Variants in FIG4 observed in about 807,000 individuals in gnomAD.
The protein encoded by FIG4 is FIG4 phosphoinositide 5-phosphatase.
Under a neutral mutation model 118.6 loss-of-function variants are expected in FIG4, and 112 were observed. The observed-to-expected ratio is 0.94, with a 90% CI of 0.81 to 1.11. The LOEUF is 1.11. Among genes scored for constraint, FIG4 ranks in the 50% least tolerant of loss-of-function variants. The pLI is 0.00. For synonymous variants in FIG4, 369 were observed against 381.2 expected, an observed-to-expected ratio of 0.97 and a Z score of 0.37; for missense variants, 969 against 1,111.7, an observed-to-expected ratio of 0.87 and a Z score of 1.83.
At chr6:109,719,673 C>G (rs1395809459) in intron 3 of FIG4, among the ~76,000 whole-genome samples, 2 of 152,164 alleles carry the variant, frequency 1.3e-5, no homozygotes, top group African/African-American at 2.4e-5. Context: ...GGATTACAGG[C>G]ATAAGCCACC....
At chr6:109,727,346 T>A in intron 4 of FIG4, 81 bp downstream of exon 4, 1 of 1,151,842 alleles carries the variant, frequency 8.7e-7, no homozygotes, top group South Asian at 1.2e-5. Flanking sequence ...TGGAATATAA[T>A]GGCATGGTCA....
At chr6:109,696,372 AC>A (rs1774719894) in intron 1 of FIG4, among the ~76,000 whole-genome samples, 1 of 152,200 alleles carries the variant, frequency 6.6e-6, no homozygotes, top group African/African-American at 2.4e-5. Context: ...TTTTCCATGA[AC>A]TTTATCAAGT....
intron 1 of FIG4, among the ~76,000 whole-genome samples, chr6:109,714,569 G>C (rs1775369755): frequency 2.6e-5 from 4 of 152,158 alleles, no homozygotes; most frequent in Non-Finnish European, 4.4e-5. Flanking sequence ...CATTTGGGAA[G>C]GACAACCATT....
intron 22 of FIG4, among the ~76,000 whole-genome samples, chr6:109,797,624 G>A (rs975050221): frequency 1.3e-5 from 2 of 152,020 alleles, no homozygotes; most frequent in Non-Finnish European, 2.9e-5. Context: ...GGCGGGGCAT[G>A]GTAGCTCACG....
chr6:109,753,671 T>C (rs1178549972), intron 10 of FIG4, among the ~76,000 whole-genome samples: 1 of 152,130 alleles, frequency 6.6e-6, no homozygotes, highest in Non-Finnish European at 1.5e-5. Flanking sequence ...CCCTTGTAAG[T>C]TGGATTCCTA....
At chr6:109,814,129 G>C (rs1265815833) in intron 22 of FIG4, among the ~76,000 whole-genome samples, 1 of 152,110 alleles carries the variant, frequency 6.6e-6, no homozygotes, top group East Asian at 1.9e-4. Flanking sequence ...CACAAATTCA[G>C]TCTGTGCCAT....
chr6:109,802,630 C>T (rs576507027), intron 22 of FIG4, among the ~76,000 whole-genome samples: 30 of 152,312 alleles, frequency 2.0e-4, no homozygotes, highest in African/African-American at 7.2e-4. Context: ...CTTCTGGATC[C>T]ACAAGAATTA....
intron 6 of FIG4, among the ~76,000 whole-genome samples, chr6:109,735,907 T>A (rs1776146046): frequency 6.6e-6 from 1 of 151,682 alleles, no homozygotes. Flanking sequence ...GACCCATCAG[T>A]CCTGCATAGG....
intron 1 of FIG4, among the ~76,000 whole-genome samples, chr6:109,709,655 T>C (rs1310006920): frequency 6.6e-6 from 1 of 152,238 alleles, no homozygotes; most frequent in Non-Finnish European, 1.5e-5. Context: ...TGGTTTGTAG[T>C]TCTTGTAGAG....
intron 18 of FIG4, among the ~76,000 whole-genome samples, chr6:109,788,872 T>G (rs1218723924): frequency 6.6e-6 from 1 of 152,232 alleles, no homozygotes; most frequent in Non-Finnish European, 1.5e-5. Flanking sequence ...TGTTGCGTTT[T>G]TGGCATCTAC....
Position 109,769,277 on chromosome 6 carries a change from G to A in FIG4, c.1750+2382G>A, listed in dbSNP as rs150296509. Among the ~76,000 whole-genome samples the A allele has an allele frequency of 2.7e-3, 406 of 152,074 alleles. 2 individuals are homozygous for A. The highest frequency in any genetic ancestry group is 4.2e-3 in the Non-Finnish European group (284 of 68,004). The stretch of plus-strand genomic sequence containing the variant: ...ACTAGAGGACGGACAGAATGACTGT[G>A]TAGCTGTCCATGTTTAAAAAAGAAA... On this transcript the variant is annotated intron_variant, in intron 15 of 22. Coordinates refer to ENST00000230124, the MANE Select transcript of FIG4 (RefSeq NM_014845.6).
At chr6:109,822,787 GTATATATATATATA>G (rs10523453) in intron 22 of FIG4, among the ~76,000 whole-genome samples, 41,088 of 120,632 alleles carry the variant, frequency 0.34, 7,076 homozygotes, top group Middle Eastern at 0.49. Flanking sequence ...GTGTGTGTAT[GTATATATATATATA>G]TATATATATA....
chr6:109,740,134 T>A (rs1776279700), intron 7 of FIG4, among the ~76,000 whole-genome samples: 1 of 152,180 alleles, frequency 6.6e-6, no homozygotes, highest in South Asian at 2.1e-4. Context: ...CACAGGTTTT[T>A]CACCACCAAG....
chr6:109,748,037 T>A (rs1776559146), intron 10 of FIG4, among the ~76,000 whole-genome samples: 2 of 152,166 alleles, frequency 1.3e-5, no homozygotes, highest in South Asian at 4.1e-4. Context: ...CTGATGGCTT[T>A]AATTTCTCCT....
At chr6:109,708,332 T>C (rs768715044) in intron 1 of FIG4, among the ~76,000 whole-genome samples, 1 of 152,242 alleles carries the variant, frequency 6.6e-6, no homozygotes, top group Non-Finnish European at 1.5e-5. Flanking sequence ...TATTCCATGG[T>C]ATATATGTAC....
At chr6:109,722,929 T>G (rs1294425592) in intron 3 of FIG4, among the ~76,000 whole-genome samples, 2 of 152,082 alleles carry the variant, frequency 1.3e-5, no homozygotes, top group Non-Finnish European at 1.5e-5. Context: ...GGTCCTAGAC[T>G]GGGAGCTGGA....
At chr6:109,784,939 TTCA>T (rs764094395) in intron 16 of FIG4, 28 bp from the exon 17 acceptor site, 1 of 1,230,348 alleles carries the variant, frequency 8.1e-7, no homozygotes, top group South Asian at 1.3e-5. Flanking sequence ...TTACATTTGG[TTCA>T]TCTTTTTTTT....
rs1040191528 is a variant in FIG4, at chr6:109,707,285, A to G, written c.67-7793A>G. Among the ~76,000 whole-genome samples, 6 of 140,368 alleles carry G rather than the reference A, an allele frequency of 4.3e-5. No homozygotes were observed. The East Asian group carries it at 1.3e-3, about 30-fold the overall frequency. 92.1% of individuals were successfully genotyped at this position (140,368 alleles called of 152,430 possible). On this transcript the variant is annotated intron_variant, in intron 1 of 22. Transcript: ENST00000230124. ...AACTGATGTGTGTGTGTGTGTATATATATATATGTGTGTGTGTGTGTGTAT... is the reference window on the plus strand; with the variant it reads ...AACTGATGTGTGTGTGTGTGTATATGTATATATGTGTGTGTGTGTGTGTAT...
chr6:109,809,938 C>G (rs4130817), intron 22 of FIG4, among the ~76,000 whole-genome samples: 21,990 of 152,042 alleles, frequency 0.14, 2,354 homozygotes, highest in African/African-American at 0.29. Context: ...TCTCTCTGCT[C>G]CCCCATTGTC....
Sources: gnomAD v4.1 joint callset for allele counts (sites outside exome capture counted in the v4.1 genomes callset) on GRCh38, gnomAD v4.1.1 for gene constraint, MANE v1.5 for transcripts, NCBI Gene and HGNC (gene_info 2026-07-23, HGNC 2026-07-21) for gene names.